PROSER2: variants seen among roughly 807,000 people sequenced by gnomAD.
The protein encoded by PROSER2 is proline and serine rich 2.
PROSER2 carries 18 observed loss-of-function variants against 14.6 expected under a neutral mutation model. The ratio of observed to expected loss-of-function variants is 1.23; its 90% CI spans 0.85 to 1.83. PROSER2 has a LOEUF of 1.83. Among genes scored for constraint, PROSER2 ranks in the 40% most tolerant of loss-of-function variants. The pLI is 0.00. For missense variants in PROSER2, 823 were observed against 629.8 expected, an observed-to-expected ratio of 1.31 and a Z score of -3.28; for synonymous variants, 367 against 286.4, an observed-to-expected ratio of 1.28 and a Z score of -2.84.
intron 1 of PROSER2, among the ~76,000 whole-genome samples, chr10:11,848,271 C>G (rs1322448053): frequency 6.6e-6 from 1 of 152,186 alleles, no homozygotes; most frequent in Non-Finnish European, 1.5e-5. Flanking sequence ...TGGGTTCAAG[C>G]AATTCTTCTG....
At chr10:11,841,684 C>T (rs1833847831) in intron 1 of PROSER2, among the ~76,000 whole-genome samples, 1 of 152,160 alleles carries the variant, frequency 6.6e-6, no homozygotes, top group Non-Finnish European at 1.5e-5. Flanking sequence ...ATGGGTTCTT[C>T]CAGTTACCTT....
At chr10:11,843,035 G>A (rs946672803) in intron 1 of PROSER2, among the ~76,000 whole-genome samples, 7 of 142,602 alleles carry the variant, frequency 4.9e-5, no homozygotes, top group Middle Eastern at 3.9e-3. Context: ...CCGCCTCCTG[G>A]GTTTACACCA....
rs1293025873 is a variant in PROSER2, at chr10:11,852,152, C to T, written c.75C>T (p.Ala25=). 6.2e-7 allele frequency: 1 copy of T among 1,613,518 alleles called. No individual in the cohort carries two copies. The highest frequency in any genetic ancestry group is 8.5e-7 in the Non-Finnish European group (1 of 1,179,800). ...CGTCCCCCAGCTGCAGGCTCCGAGCCTTCAGCAGAGGCGGCAGCCTGGAGA... is the reference window on the plus strand; with the variant it reads ...CGTCCCCCAGCTGCAGGCTCCGAGCTTTCAGCAGAGGCGGCAGCCTGGAGA... ...SDTSPSCRLR[A]FSRGGSLESR... is the part of the protein sequence containing the mutation. The change falls in exon 2 of 4, where the codon GCC becomes GCT. Residue 25 remains alanine (A), a synonymous_variant. Transcript: ENST00000277570.
chr10:11,839,036 TTAA>T (rs879902560), intron 1 of PROSER2, among the ~76,000 whole-genome samples: 1 of 152,182 alleles, frequency 6.6e-6, no homozygotes, highest in Non-Finnish European at 1.5e-5. Flanking sequence ...AATAGAAAGA[TTAA>T]TAGAGCAAAA....
At chr10:11,840,195 C>G (rs1163718352) in intron 1 of PROSER2, among the ~76,000 whole-genome samples, 1 of 151,826 alleles carries the variant, frequency 6.6e-6, no homozygotes, top group East Asian at 1.9e-4. Flanking sequence ...TCAGGTGATC[C>G]TCCTGCCTTG....
In PROSER2 at chr10:11,870,358, G is replaced by A. The variant is rs565718892; in HGVS notation, c.1260G>A (p.Ala420=). ...QFAGRGSSEE[A]RREALRKLGL... ...CGGGCCGCGGCTCCTCGGAGGAGGC[G>A]CGCAGGGAGGCCCTGCGGAAGCTGG... The change falls in exon 4 of 4, where the codon GCG becomes GCA. Residue 420 remains alanine, a synonymous_variant. Coordinates refer to ENST00000277570, the MANE Select transcript of PROSER2 (RefSeq NM_153256.4). 359 of 1,508,604 alleles carry A rather than the reference G, an allele frequency of 2.4e-4. 1 individual carries two copies. The highest frequency in any genetic ancestry group is 3.6e-4 in the Middle Eastern group (2 of 5,620). The allele number at this position is 1,508,604 out of a possible 1,614,324, so 93.5% of individuals were successfully genotyped here. A position where few individuals can be genotyped will look rare whatever the true frequency, so the allele number is the denominator to read the frequency against.
chr10:11,850,363 C>G (rs1021060330), intron 1 of PROSER2: 1 of 152,370 alleles, frequency 6.6e-6, no homozygotes, highest in African/African-American at 2.4e-5. Context: ...GCAGGAAGAC[C>G]TGGTTGCTTG....
chr10:11,834,758 G>A (rs536728932), intron 1 of PROSER2, among the ~76,000 whole-genome samples: 1 of 151,670 alleles, frequency 6.6e-6, no homozygotes, highest in Admixed American at 6.6e-5. Flanking sequence ...CATAAAACTC[G>A]GCCACCTTGC....
intron 3 of PROSER2, among the ~76,000 whole-genome samples, chr10:11,867,697 G>C (rs1409424822): frequency 1.3e-5 from 2 of 152,210 alleles, no homozygotes; most frequent in Non-Finnish European, 2.9e-5. Context: ...GCCATGGGTA[G>C]AGGCTGTAGA....
intron 1 of PROSER2, among the ~76,000 whole-genome samples, chr10:11,843,058 A>G (rs2131060454): frequency 6.9e-6 from 1 of 145,830 alleles, no homozygotes; most frequent in Admixed American, 7.0e-5. Flanking sequence ...CTCCTGCCTC[A>G]GCCTCCCGAG....
intron 1 of PROSER2, among the ~76,000 whole-genome samples, chr10:11,843,317 C>G (rs944527302): frequency 6.6e-6 from 1 of 150,686 alleles, no homozygotes; most frequent in Non-Finnish European, 1.5e-5. Flanking sequence ...CTTTGGGAGG[C>G]AGAGGCAGGC....
chr10:11,845,747 G>A (rs951311369), intron 1 of PROSER2, among the ~76,000 whole-genome samples: 1 of 152,140 alleles, frequency 6.6e-6, no homozygotes, highest in South Asian at 2.1e-4. Flanking sequence ...GGAGCTGGCA[G>A]CCTGCCTTGC....
In PROSER2 at chr10:11,871,649, TGA is replaced by T. The variant is rs1282653807; in HGVS notation, c.*1245_*1246del. 1 of 152,222 alleles carries T rather than the reference TGA, an allele frequency of 6.6e-6. No homozygotes were observed. Among genetic ancestry groups the T allele is most frequent in the Admixed American group, 6.5e-5 (1 of 15,284 alleles). The allele number at this position is 152,222 out of a possible 1,614,324, so 9.4% of individuals were successfully genotyped here. A position where few individuals can be genotyped will look rare whatever the true frequency, so the allele number is the denominator to read the frequency against. ...TCCTCCCAGACTATGTCTTACACGC[TGA>T]GTTATGCCACAAGCGTTATCATCAA... On this transcript the variant is annotated 3_prime_UTR_variant, in exon 4 of 4. Transcript: ENST00000277570.
Position 11,869,849 on chromosome 10 carries a change from C to G in PROSER2, c.751C>G (p.Pro251Ala), listed in dbSNP as rs1466258400. ...GPSHPAQPKA[P>A]RFPSNIIVTN... ...CAGCCACCCGGCGCAGCCCAAGGCA[C>G]CCCGCTTCCCCAGCAACATCATCGT... The change falls in exon 4 of 4, where the codon CCC becomes GCC. Residue 251 changes from proline (P) to alanine (A), a missense_variant. Physicochemically the swap from Pro to Ala is conservative, Grantham distance 27 (BLOSUM62 -1). Transcript: ENST00000277570. The surrounding 1 kb of genome is among the most constrained non-coding windows in gnomAD (Gnocchi z 4.4). 5 of 1,588,438 alleles carry G rather than the reference C, an allele frequency of 3.1e-6. No homozygotes were observed. Among genetic ancestry groups the G allele is most frequent in the Admixed American group, 1.8e-5 (1 of 56,708 alleles).
At chr10:11,861,904 G>A (rs914250783) in intron 2 of PROSER2, among the ~76,000 whole-genome samples, 19 of 152,288 alleles carry the variant, frequency 1.2e-4, no homozygotes, top group African/African-American at 1.4e-4. Flanking sequence ...GGCAGAAAAC[G>A]TGCAAGATGT....
In PROSER2 at chr10:11,862,627, T is replaced by G. The variant is rs1041046026; in HGVS notation, c.139-3904T>G. Among the ~76,000 whole-genome samples, 23 of 152,098 alleles carry G rather than the reference T, an allele frequency of 1.5e-4. No individual in the cohort carries two copies. The highest frequency in any genetic ancestry group is 5.9e-4 in the Admixed American group (9 of 15,266). On this transcript the variant is annotated intron_variant, in intron 2 of 3. Transcript: ENST00000277570. This position sits in a 1 kb window ranked among gnomAD's most constrained non-coding sequence, Gnocchi z 4.2. ...GAGGATCACTTGAGCTGGGGAGACCTAGGCTGCAATGAGCTGTGATTGTAC... is the reference window on the plus strand; with the variant it reads ...GAGGATCACTTGAGCTGGGGAGACCGAGGCTGCAATGAGCTGTGATTGTAC...
In PROSER2 at chr10:11,862,042, T is replaced by C. The variant is rs1268585717; in HGVS notation, c.139-4489T>C. On this transcript the variant is annotated intron_variant, in intron 2 of 3. Transcript: ENST00000277570. The surrounding 1 kb of genome is among the most constrained non-coding windows in gnomAD (Gnocchi z 4.2). The stretch of plus-strand genomic sequence containing the variant: ...GACTGACAGGCCCAGCGCCTGAGAG[T>C]TTCTAATGCGGCAGGTCTGGGATCG... Among the ~76,000 whole-genome samples the C allele has an allele frequency of 2.0e-5, 3 of 151,360 alleles. No individual in the cohort carries two copies. The East Asian group carries it at 5.8e-4, about 29-fold the overall frequency.
intron 1 of PROSER2, among the ~76,000 whole-genome samples, chr10:11,847,303 C>T (rs1414000222): frequency 1.3e-5 from 2 of 152,250 alleles, no homozygotes; most frequent in East Asian, 3.9e-4. Context: ...TCCAGGATTG[C>T]TGTTCCCAGC....
chr10:11,843,415 C>T (rs1274065045), intron 1 of PROSER2, among the ~76,000 whole-genome samples: 7 of 149,588 alleles, frequency 4.7e-5, no homozygotes, highest in East Asian at 2.0e-4. Flanking sequence ...AGGCCGGGTG[C>T]GGTGGCTCAC....
Sources: allele counts gnomAD v4.1 joint callset (sites outside exome capture counted in the v4.1 genomes callset), GRCh38; gene constraint gnomAD v4.1.1; non-coding constraint Gnocchi (gnomAD v3.1); transcripts MANE v1.5; gene names NCBI Gene and HGNC (gene_info 2026-07-23, HGNC 2026-07-21).